Variants in CRPPA observed in about 807,000 individuals in gnomAD.
CRPPA encodes the protein D-ribitol-5-phosphate cytidylyltransferase.
CRPPA carries 43 observed loss-of-function variants against 52.0 expected under a neutral mutation model. The observed-to-expected ratio is 0.83, with a 90% confidence interval of 0.65 to 1.07. CRPPA has a LOEUF of 1.07. Among genes scored for constraint, CRPPA ranks in the 50% least tolerant of loss-of-function variants. The pLI is 0.00. For synonymous variants in CRPPA, 250 were observed against 203.5 expected (o/e 1.23, Z -1.94); for missense variants, 629 against 551.7 (o/e 1.14, Z -1.40).
intron 8 of CRPPA, among the ~76,000 whole-genome samples, chr7:16,252,833 G>A (rs1375662831): frequency 6.6e-6 from 1 of 152,044 alleles, no homozygotes; most frequent in Non-Finnish European, 1.5e-5. Flanking sequence ...TTTAGCCTTG[G>A]GAGGGTGTAT....
At chr7:16,354,431 C>A (rs1786244295) in intron 3 of CRPPA, among the ~76,000 whole-genome samples, 1 of 152,032 alleles carries the variant, frequency 6.6e-6, no homozygotes, top group Non-Finnish European at 1.5e-5. Context: ...TAGCCTACTT[C>A]TAATAAAAGA....
At chr7:16,408,865 C>A (rs982864819) in intron 1 of CRPPA, among the ~76,000 whole-genome samples, 1 of 152,144 alleles carries the variant, frequency 6.6e-6, no homozygotes, top group African/African-American at 2.4e-5. Flanking sequence ...AGATGTCAGA[C>A]TGATGCAGGG....
chr7:16,128,775 G>A (rs1030254476), intron 9 of CRPPA, among the ~76,000 whole-genome samples: 2 of 152,004 alleles, frequency 1.3e-5, no homozygotes, highest in African/African-American at 4.8e-5. Flanking sequence ...AGCCAAATAT[G>A]TTGCAATTAT....
intron 6 of CRPPA, among the ~76,000 whole-genome samples, chr7:16,273,639 A>G (rs1784139119): frequency 6.6e-6 from 1 of 152,086 alleles, no homozygotes; most frequent in African/African-American, 2.4e-5. Flanking sequence ...ATGCAGCCTG[A>G]TTCCTCCCGG....
At chr7:16,318,818 G>A (rs1785199640) in intron 3 of CRPPA, among the ~76,000 whole-genome samples, 1 of 152,120 alleles carries the variant, frequency 6.6e-6, no homozygotes, top group South Asian at 2.1e-4. Flanking sequence ...CAAGGAGAAG[G>A]GAAACAAACT....
At chr7:16,420,904 T>C (rs958292362) in intron 1 of CRPPA, among the ~76,000 whole-genome samples, 162 bp downstream of exon 1, 1 of 152,064 alleles carries the variant, frequency 6.6e-6, no homozygotes, top group Non-Finnish European at 1.5e-5. Context: ...AGGCCAGAAC[T>C]TCCCATCTCT....
intron 3 of CRPPA, among the ~76,000 whole-genome samples, chr7:16,334,085 G>A (rs1024806534): frequency 6.6e-6 from 1 of 151,956 alleles, no homozygotes; most frequent in Non-Finnish European, 1.5e-5. Flanking sequence ...GGGGTTGAGG[G>A]CCACCAACTC....
At chr7:16,091,823 AATATT>A in intron 9 of CRPPA, 24 bp from the exon 10 acceptor site, 1 of 1,327,890 alleles carries the variant, frequency 7.5e-7, no homozygotes, top group Non-Finnish European at 1.0e-6. Flanking sequence ...ATAAACCAGT[AATATT>A]TTAGAAAAAA....
intron 9 of CRPPA, among the ~76,000 whole-genome samples, chr7:16,196,242 A>G (rs1781730859): frequency 6.6e-6 from 1 of 152,150 alleles, no homozygotes; most frequent in Admixed American, 6.6e-5. Flanking sequence ...TAGCTTATGC[A>G]TGTGAAGTTA....
chr7:16,367,238 GC>G (rs535671863), intron 3 of CRPPA, among the ~76,000 whole-genome samples: 52 of 151,712 alleles, frequency 3.4e-4, no homozygotes, highest in South Asian at 1.5e-3. Context: ...TGCCCACTGT[GC>G]CCCCTATCCT....
intron 6 of CRPPA, among the ~76,000 whole-genome samples, chr7:16,277,829 T>A (rs1784239287): frequency 6.6e-6 from 1 of 152,166 alleles, no homozygotes. Context: ...TAGCATGTGC[T>A]GGCCACTATG....
intron 9 of CRPPA, among the ~76,000 whole-genome samples, chr7:16,190,157 C>T (rs1001090394): frequency 7.9e-5 from 12 of 152,178 alleles, no homozygotes; most frequent in African/African-American, 2.7e-4. Flanking sequence ...GTCAAGCCAG[C>T]TTGCAGACAC....
chr7:16,287,438 G>A lies in CRPPA; in HGVS notation c.836-9212C>T, dbSNP rs1193947517. On this transcript the variant is annotated intron_variant, in intron 5 of 9. Transcript: ENST00000407010. ...GAAGATATTCAAGACTTATTTTCCA[G>A]GCTCTGTACTAGGATCATGAGTAAC... is the stretch of plus-strand genomic sequence containing the variant. 3.3e-5 allele frequency among the ~76,000 whole-genome samples: 5 copies of A among 152,198 alleles called. No homozygotes were observed. In the South Asian group the frequency reaches 6.2e-4, roughly 19 times the overall value.
chr7:16,115,097 A>G (rs1263391855), intron 9 of CRPPA, among the ~76,000 whole-genome samples: 1 of 152,062 alleles, frequency 6.6e-6, no homozygotes, highest in East Asian at 1.9e-4. Context: ...GGGATACTCC[A>G]AAATCGATTA....
chr7:16,183,244 C>T (rs1374789539), intron 9 of CRPPA, among the ~76,000 whole-genome samples: 2 of 152,152 alleles, frequency 1.3e-5, no homozygotes, highest in Admixed American at 6.5e-5. Flanking sequence ...CCGTAACATG[C>T]TCATAGTTGA....
At position 16,092,202 on chromosome 7, in the gene CRPPA, TA is replaced by T. The variant is rs149462016; in HGVS notation, c.1252-404del. ...TATGAACTGTTTGTGAGTACCGGTA[TA>T]GGGGGGAAAACCCTGCTTGCTGTTT... On this transcript the variant is annotated intron_variant, in intron 9 of 9. Coordinates refer to ENST00000407010, the MANE Select transcript of CRPPA (RefSeq NM_001101426.4). Among the ~76,000 whole-genome samples, 543 of 152,272 alleles carry T rather than the reference TA, an allele frequency of 3.6e-3. 2 individuals carry two copies. Among genetic ancestry groups the T allele is most frequent in the African/African-American group, 0.01 (428 of 41,568 alleles).
At chr7:16,274,796 A>C (rs979500379) in intron 6 of CRPPA, among the ~76,000 whole-genome samples, 1 of 152,192 alleles carries the variant, frequency 6.6e-6, no homozygotes, top group Non-Finnish European at 1.5e-5. Flanking sequence ...GATCTTTAAA[A>C]ATTATAAATG....
At chr7:16,398,534 T>C (rs966264373) in intron 2 of CRPPA, among the ~76,000 whole-genome samples, 1 of 152,114 alleles carries the variant, frequency 6.6e-6, no homozygotes, top group African/African-American at 2.4e-5. Flanking sequence ...ATGTGACAAA[T>C]GATCGACATA....
chr7:16,220,013 T>G (rs1446157315), intron 8 of CRPPA, among the ~76,000 whole-genome samples: 1 of 141,292 alleles, frequency 7.1e-6, no homozygotes, highest in Non-Finnish European at 1.5e-5. Flanking sequence ...TAGACCAATA[T>G]CCTTGATGAA....
Sources: gnomAD v4.1 joint callset for allele counts (sites outside exome capture counted in the v4.1 genomes callset) on GRCh38, gnomAD v4.1.1 for gene constraint, MANE v1.5 for transcripts, NCBI Gene and HGNC (gene_info 2026-07-23, HGNC 2026-07-21) for gene names.